Variants in STIL observed in about 807,000 individuals in gnomAD.
STIL encodes the protein STIL centriolar assembly protein.
STIL carries 55 observed loss-of-function variants against 110.1 expected under a neutral mutation model. The ratio of observed to expected loss-of-function variants is 0.50; its 90% CI spans 0.40 to 0.63. The LOEUF (loss-of-function observed/expected upper bound fraction) is 0.63, where lower values mean the gene tolerates loss of function less well. Ranked by LOEUF, STIL falls within the 20% of genes least tolerant of loss-of-function variation. The probability of loss-of-function intolerance (pLI) is 0.00; values close to 1 mark genes in which losing one functional copy is unlikely to be tolerated. For missense variants in STIL, 1,358 were observed against 1,530.0 expected (o/e 0.89, Z 1.87); for synonymous variants, 481 against 530.0 (o/e 0.91, Z 1.27).
In STIL at chr1:47,280,908, T is replaced by C. The variant is rs1645140047; in HGVS notation, c.1550A>G (p.His517Arg). Reference sequence around the variant, plus strand: ...AGATGGTTTAATACTGTTCCTGGTATGGGGGTTCCCTTTCTTATAGGCAGG... The same window carrying C: ...AGATGGTTTAATACTGTTCCTGGTACGGGGGTTCCCTTTCTTATAGGCAGG... ...QPPAYKKGNP[H>R]TRNSIKPSSH... The change falls in exon 12 of 17, where the codon CAT becomes CGT. Residue 517 changes from histidine to arginine, a missense_variant. By Grantham distance (29) the His-to-Arg change is conservative. Transcript: ENST00000371877. 3 of 1,614,212 alleles carry C rather than the reference T, an allele frequency of 1.9e-6. No homozygotes were observed. The highest frequency in any genetic ancestry group is 2.5e-6 in the Non-Finnish European group (3 of 1,180,024).
At chr1:47,301,514 T>G (rs1475224223) in intron 5 of STIL, 47 bp downstream of exon 5, 4 of 1,532,022 alleles carry the variant, frequency 2.6e-6, no homozygotes, top group Middle Eastern at 3.4e-4. Context: ...CTAAACATAG[T>G]TTGATTCTTG....
intron 14 of STIL, among the ~76,000 whole-genome samples, chr1:47,266,601 C>G (rs1442779417): frequency 1.3e-5 from 2 of 152,228 alleles, no homozygotes; most frequent in African/African-American, 4.8e-5. Context: ...AAATTAACCT[C>G]TTTAAACTGT....
intron 13 of STIL, among the ~76,000 whole-genome samples, chr1:47,270,295 A>ACACAC (rs1644798729): frequency 9.6e-6 from 1 of 104,024 alleles, no homozygotes; most frequent in South Asian, 3.4e-4. Context: ...CACACACACA[A>ACACAC]TTACTTAGAA....
chr1:47,266,834 A>G (rs1372946091), intron 14 of STIL, among the ~76,000 whole-genome samples: 1 of 152,224 alleles, frequency 6.6e-6, no homozygotes, highest in Non-Finnish European at 1.5e-5. Flanking sequence ...AAATCAGATC[A>G]TAACACTCCA....
At chr1:47,271,084 C>T (rs1053391392) in intron 13 of STIL, among the ~76,000 whole-genome samples, 2 of 152,000 alleles carry the variant, frequency 1.3e-5, no homozygotes, top group African/African-American at 4.8e-5. Flanking sequence ...TACTGAGCCT[C>T]ATTATTTCTC....
At chr1:47,276,521 T>C (rs896945395) in intron 12 of STIL, among the ~76,000 whole-genome samples, 1 of 151,650 alleles carries the variant, frequency 6.6e-6, no homozygotes, top group Non-Finnish European at 1.5e-5. Flanking sequence ...TTAAAACAAC[T>C]TCTAGGCCAG....
chr1:47,260,291 G>A lies in STIL; in HGVS notation c.3078C>T (p.Ala1026=), dbSNP rs1171574260. ...VKKNAHNVDH[A]SVLACISPEA... ...TAAAACAAAATTTTAAAAGTTACCTGGCGTGATCCACGTTATGTGCATTTT... is the reference window on the plus strand; with the variant it reads ...TAAAACAAAATTTTAAAAGTTACCTAGCGTGATCCACGTTATGTGCATTTT... Residue 1026 remains alanine, a splice_region_variant and synonymous_variant, in exon 16 of 17, where the codon GCC becomes GCT. Coordinates refer to ENST00000371877, the MANE Select transcript of STIL (RefSeq NM_001048166.1). 1 of 1,612,784 alleles carries A rather than the reference G, an allele frequency of 6.2e-7. No individual in the cohort carries two copies. Among genetic ancestry groups the A allele is most frequent in the Non-Finnish European group, 8.5e-7 (1 of 1,179,638 alleles).
intron 8 of STIL, among the ~76,000 whole-genome samples, chr1:47,290,613 G>A (rs1645455291): frequency 6.6e-6 from 1 of 151,502 alleles, no homozygotes; most frequent in Admixed American, 6.6e-5. Flanking sequence ...TGAGGCAGGA[G>A]AATGGCGTGA....
chr1:47,277,818 C>T (rs6588196), intron 12 of STIL, among the ~76,000 whole-genome samples: 39,349 of 151,824 alleles, frequency 0.26, 6,661 homozygotes, highest in Non-Finnish European at 0.36. Context: ...CTCCATACAA[C>T]TTTGCCATAC....
chr1:47,313,519 C>T (rs1387366181), intron 1 of STIL, among the ~76,000 whole-genome samples: 1 of 152,076 alleles, frequency 6.6e-6, no homozygotes, highest in African/African-American at 2.4e-5. Context: ...CCTCCCTTAA[C>T]TTGGAATGCC....
Position 47,280,928 on chromosome 1 carries a change from G to C in STIL, c.1530C>G (p.Ala510=). ...TGGTATGGGGGTTCCCTTTCTTATA[G>C]GCAGGTGGCTGTCTTACTTTGCAGT... The part of the protein sequence containing the change: ...LRHCKVRQPP[A]YKKGNPHTRN... The change falls in exon 12 of 17, where the codon GCC becomes GCG. Residue 510 remains alanine (A), a synonymous_variant. Transcript: ENST00000371877. The C allele has an allele frequency of 6.2e-7, 1 of 1,614,124 alleles. No individual in the cohort carries two copies. Among genetic ancestry groups the C allele is most frequent in the Non-Finnish European group, 8.5e-7 (1 of 1,180,022 alleles).
At chr1:47,283,268 A>G (rs559546356) in intron 10 of STIL, 2 of 152,246 alleles carry the variant, frequency 1.3e-5, no homozygotes, top group African/African-American at 2.4e-5. Flanking sequence ...ATCAAACAGC[A>G]GAAGAGACCT....
chr1:47,294,331 A>C (rs1381994177), intron 7 of STIL, among the ~76,000 whole-genome samples: 1 of 152,234 alleles, frequency 6.6e-6, no homozygotes, highest in Non-Finnish European at 1.5e-5. Context: ...TTATCACCTC[A>C]CTTTGATTTT....
intron 16 of STIL, among the ~76,000 whole-genome samples, chr1:47,256,342 C>T (rs1188543189): frequency 1.3e-5 from 2 of 152,096 alleles, no homozygotes; most frequent in African/African-American, 2.4e-5. Flanking sequence ...ATAAAATCTT[C>T]GCTGGAGCAG....
At chr1:47,272,349 T>TA in intron 12 of STIL, 108 bp from the exon 13 acceptor site, 1 of 1,159,096 alleles carries the variant, frequency 8.6e-7, no homozygotes, top group Admixed American at 2.0e-5. Flanking sequence ...AACTGACTTT[T>TA]AAGTCTATTT....
chr1:47,277,155 G>A (rs1645018071), intron 12 of STIL, among the ~76,000 whole-genome samples: 1 of 152,068 alleles, frequency 6.6e-6, no homozygotes, highest in South Asian at 2.1e-4. Context: ...ATGATGAGAA[G>A]GAAATAGCCA....
chr1:47,305,143 T>C, intron 2 of STIL, 147 bp from the exon 3 acceptor site: 1 of 626,050 alleles, frequency 1.6e-6, no homozygotes, highest in Middle Eastern at 4.2e-4. Flanking sequence ...ATATTTTTTT[T>C]GAGACAAAGT....
intron 14 of STIL, among the ~76,000 whole-genome samples, chr1:47,266,395 T>C (rs943078711): frequency 6.6e-6 from 1 of 152,194 alleles, no homozygotes; most frequent in Non-Finnish European, 1.5e-5. Context: ...TCTCACTCTG[T>C]TATTGAAGCC....
chr1:47,284,256 T>C (rs1040961339), intron 10 of STIL, among the ~76,000 whole-genome samples: 6 of 152,286 alleles, frequency 3.9e-5, no homozygotes, highest in African/African-American at 1.4e-4. Context: ...GGTTGTATAG[T>C]TATAACAACA....
Sources: allele counts gnomAD v4.1 joint callset (sites outside exome capture counted in the v4.1 genomes callset), GRCh38; gene constraint gnomAD v4.1.1; transcripts MANE v1.5; gene names NCBI Gene and HGNC (gene_info 2026-07-23, HGNC 2026-07-21).